VPS35L: variants seen among roughly 807,000 people sequenced by gnomAD.
The protein encoded by VPS35L is VPS35 endosomal protein-sorting factor-like.
In VPS35L, 83 loss-of-function variants were observed where a neutral mutation model predicts 133.0. The ratio of observed to expected loss-of-function variants is 0.62; its 90% CI spans 0.52 to 0.75. The LOEUF is 0.75. VPS35L is among the 30% of genes least tolerant of loss of function. VPS35L has a pLI of 0.00. For synonymous variants in VPS35L, 423 were observed against 449.9 expected, an observed-to-expected ratio of 0.94 and a Z score of 0.76; for missense variants, 1,083 against 1,206.8, an observed-to-expected ratio of 0.90 and a Z score of 1.52.
At chr16:19,616,303 C>T (rs1005404442) in intron 13 of VPS35L, 112 bp downstream of exon 13, 14 of 877,182 alleles carry the variant, frequency 1.6e-5, no homozygotes, top group Non-Finnish European at 2.6e-5. Flanking sequence ...TTTAAATGTG[C>T]AAGCCCTGGA....
chr16:19,686,925 T>C (rs1076175), intron 28 of VPS35L, among the ~76,000 whole-genome samples: 74,162 of 151,934 alleles, frequency 0.49, 19,910 homozygotes, highest in African/African-American at 0.72. Context: ...TCCTTGAGAC[T>C]GGGAGGCGGA....
intron 12 of VPS35L, among the ~76,000 whole-genome samples, chr16:19,614,855 G>A (rs1197805648): frequency 6.6e-6 from 1 of 152,180 alleles, no homozygotes; most frequent in Admixed American, 6.5e-5. Flanking sequence ...TCTAACCCCA[G>A]TACTGGCACC....
At chr16:19,593,047 C>T (rs1256288569) in intron 8 of VPS35L, among the ~76,000 whole-genome samples, 1 of 152,174 alleles carries the variant, frequency 6.6e-6, no homozygotes, top group Non-Finnish European at 1.5e-5. Flanking sequence ...TCCTGCATCA[C>T]TGTGGCTGCC....
At chr16:19,614,177 T>C (rs1168251342) in intron 12 of VPS35L, among the ~76,000 whole-genome samples, 2 of 152,120 alleles carry the variant, frequency 1.3e-5, no homozygotes, top group Non-Finnish European at 2.9e-5. Context: ...TACAATATGA[T>C]TAAGTGGAAG....
At chr16:19,635,671 T>C (rs1973601257) in intron 19 of VPS35L, among the ~76,000 whole-genome samples, 1 of 152,212 alleles carries the variant, frequency 6.6e-6, no homozygotes, top group Non-Finnish European at 1.5e-5. Context: ...GAGAATATGA[T>C]TATTCTTAGG....
intron 14 of VPS35L, chr16:19,617,025 G>A: frequency 1.4e-6 from 1 of 710,190 alleles, no homozygotes; most frequent in Non-Finnish European, 2.4e-6. Flanking sequence ...GAATGTGGTA[G>A]CTCCAGAGGC....
In VPS35L at chr16:19,569,560, C is replaced by G; in HGVS notation, c.254C>G (p.Thr85Ser). 6.3e-7 allele frequency: 1 copy of G among 1,579,720 alleles called. No homozygotes were observed. The highest frequency in any genetic ancestry group is 8.6e-7 in the Non-Finnish European group (1 of 1,163,846). ...GTDPLSMFAA[T>S]ADPAALAAAM... ...GACCCCCTCTCCATGTTTGCAGCCA[C>G]TGCTGACCCCGCAGCCTTGGCAGCT... Residue 85 changes from threonine (T) to serine (S), a missense_variant, in exon 3 of 31, where the codon ACT becomes AGT. Thr to Ser is a moderately conservative substitution (Grantham distance 58). Transcript: ENST00000417362.
In VPS35L at chr16:19,699,760, G is replaced by A; in HGVS notation, c.2793+112G>A. 7.1e-7 allele frequency: 1 copy of A among 1,401,902 alleles called. No homozygotes were observed. Among genetic ancestry groups the A allele is most frequent in the Non-Finnish European group, 9.8e-7 (1 of 1,023,548 alleles). 86.8% of individuals were successfully genotyped at this position (1,401,902 alleles called of 1,614,324 possible). ...CAGACAACCCCATACTCCCCTTTTA[G>A]AAAAGCACTTGGTCCATTTCTACTG... On this transcript the variant is annotated intron_variant, in intron 30 of 30. Transcript: ENST00000417362. The surrounding 1 kb of genome is among the most constrained non-coding windows in gnomAD (Gnocchi z 4.2).
chr16:19,670,092 A>C (rs1241587426), intron 27 of VPS35L, among the ~76,000 whole-genome samples: 1 of 152,132 alleles, frequency 6.6e-6, no homozygotes, highest in Non-Finnish European at 1.5e-5. Context: ...CAGCCTCCTG[A>C]GCAGCTGGGA....
In VPS35L at chr16:19,612,897, C is replaced by T. The variant is rs185383015; in HGVS notation, c.1023+2482C>T. Among the ~76,000 whole-genome samples the T allele has an allele frequency of 1.6e-4, 25 of 152,300 alleles. No homozygotes were observed. The East Asian group carries it at 4.6e-3, about 28-fold the overall frequency. ...GATGCAGAGGACAGAGCAGACCCCC[C>T]ACAAGATTGGTAGTAGAGTGCCCTG... is the stretch of plus-strand genomic sequence containing the variant. On this transcript the variant is annotated intron_variant, in intron 12 of 30. Transcript: ENST00000417362.
chr16:19,591,044 A>G (rs1479246878), intron 7 of VPS35L, among the ~76,000 whole-genome samples: 1 of 152,188 alleles, frequency 6.6e-6, no homozygotes, highest in African/African-American at 2.4e-5. Context: ...GAATTCAGCA[A>G]TTCCCCGCAA....
chr16:19,568,700 C>T (rs968202326), intron 2 of VPS35L, among the ~76,000 whole-genome samples: 8 of 152,138 alleles, frequency 5.3e-5, no homozygotes, highest in African/African-American at 1.7e-4. Flanking sequence ...GCTTGGAGTG[C>T]AGTGGTGCGA....
chr16:19,579,835 A>G (rs191914693), intron 6 of VPS35L: 9 of 152,024 alleles, frequency 5.9e-5, no homozygotes, highest in African/African-American at 1.2e-4. Context: ...ATGTACTTTG[A>G]AAAAAAAGTG....
intron 1 of VPS35L, among the ~76,000 whole-genome samples, chr16:19,559,779 C>T (rs964103457): frequency 2.6e-5 from 4 of 152,050 alleles, no homozygotes; most frequent in African/African-American, 4.8e-5. Context: ...CTCCACCTCC[C>T]GGGTTCAAGC....
rs1290018123 is a variant in VPS35L, at chr16:19,633,377, T to C, written c.1635+205T>C. Among the ~76,000 whole-genome samples the C allele has an allele frequency of 6.6e-6, 1 of 152,202 alleles. No homozygotes were observed. Among genetic ancestry groups the C allele is most frequent in the Non-Finnish European group, 1.5e-5 (1 of 68,040 alleles). ...CTCACCTGTGAAATGGAGATAGTAA[T>C]AGTGCTACCTGAGAGTTACTGTGAG... On this transcript the variant is annotated intron_variant, in intron 19 of 30. Transcript: ENST00000417362. The surrounding 1 kb of genome is among the most constrained non-coding windows in gnomAD (Gnocchi z 4.1).
chr16:19,688,527 G>A (rs1162389152), intron 28 of VPS35L, among the ~76,000 whole-genome samples: 5 of 152,216 alleles, frequency 3.3e-5, no homozygotes, highest in African/African-American at 1.2e-4. Context: ...TGGTTTATGA[G>A]ATATCCACGC....
chr16:19,664,815 G>A (rs1056569871), intron 26 of VPS35L, among the ~76,000 whole-genome samples: 1 of 151,452 alleles, frequency 6.6e-6, no homozygotes, highest in African/African-American at 2.4e-5. Flanking sequence ...CAGGAGAATC[G>A]CTTGAACCCG....
chr16:19,668,219 C>T (rs919163881), intron 26 of VPS35L, among the ~76,000 whole-genome samples: 9 of 152,114 alleles, frequency 5.9e-5, no homozygotes, highest in African/African-American at 2.2e-4. Flanking sequence ...CACTGGAAGT[C>T]GTTTTGGAGT....
chr16:19,621,283 A>C (rs1973071670), intron 14 of VPS35L, among the ~76,000 whole-genome samples: 1 of 152,224 alleles, frequency 6.6e-6, no homozygotes, highest in Non-Finnish European at 1.5e-5. Context: ...TCCTAGACAA[A>C]CACCAAAGTG....
Sources: gnomAD v4.1 joint callset for allele counts (sites outside exome capture counted in the v4.1 genomes callset) on GRCh38, gnomAD v4.1.1 for gene constraint, Gnocchi (gnomAD v3.1) non-coding constraint, MANE v1.5 for transcripts, NCBI Gene and HGNC (gene_info 2026-07-23, HGNC 2026-07-21) for gene names.